The following METTL16 variants were observed in gnomAD, a reference collection of about 807,000 sequenced individuals.
METTL16 encodes the protein RNA N(6)-adenosine-methyltransferase METTL16.
Under a neutral mutation model 57.9 loss-of-function variants are expected in METTL16, and 19 were observed. The observed-to-expected ratio is 0.33, with a 90% CI of 0.23 to 0.48. The LOEUF (loss-of-function observed/expected upper bound fraction) is 0.48, where lower values mean the gene tolerates loss of function less well. Among genes scored for constraint, METTL16 ranks in the 20% least tolerant of loss-of-function variants. The pLI is 0.99. For synonymous variants in METTL16, 246 were observed against 255.6 expected (o/e 0.96, Z 0.36); for missense variants, 434 against 691.5 (o/e 0.63, Z 4.18).
intron 8 of METTL16, among the ~76,000 whole-genome samples, chr17:2,421,309 T>G (rs1322916317): frequency 6.6e-6 from 1 of 152,074 alleles, no homozygotes; most frequent in Non-Finnish European, 1.5e-5. Flanking sequence ...GAGCTCTGAT[T>G]GCGCCACCGC....
At position 2,419,039 on chromosome 17, in the gene METTL16, G is replaced by C. The variant is rs923983585; in HGVS notation, c.*931C>G. 1 of 153,264 alleles carries C rather than the reference G, an allele frequency of 6.5e-6. No individual in the cohort carries two copies. Among genetic ancestry groups the C allele is most frequent in the African/African-American group, 2.4e-5 (1 of 41,448 alleles). The allele number at this position is 153,264 out of a possible 1,614,324, so 9.5% of individuals were successfully genotyped here. On this transcript the variant is annotated 3_prime_UTR_variant, in exon 10 of 10. Coordinates refer to ENST00000263092, the MANE Select transcript of METTL16 (RefSeq NM_024086.4). Reference sequence around the variant, plus strand: ...GTGAAGCCACAAAAAAACAGTATTTGATCAGCAACAAAATATCTGAGACTT... The same window carrying C: ...GTGAAGCCACAAAAAAACAGTATTTCATCAGCAACAAAATATCTGAGACTT...
chr17:2,428,602 T>TATATATATATATAA (rs376112549), intron 8 of METTL16, among the ~76,000 whole-genome samples: 8 of 94,970 alleles, frequency 8.4e-5, no homozygotes, highest in African/African-American at 3.7e-4. Flanking sequence ...TATATATATA[T>TATATATATATATAA]AAATTGTAAT....
chr17:2,440,148 T>C (rs1597444348), intron 7 of METTL16, among the ~76,000 whole-genome samples: 2 of 152,194 alleles, frequency 1.3e-5, no homozygotes, highest in African/African-American at 2.4e-5. Context: ...TCCCAGCTAC[T>C]TGAGAGGCTG....
chr17:2,508,074 T>C (rs868446840), intron 1 of METTL16, among the ~76,000 whole-genome samples: 3 of 151,590 alleles, frequency 2.0e-5, no homozygotes, highest in South Asian at 4.2e-4. Context: ...ACTATTGTCC[T>C]GTGACCCTGC....
intron 6 of METTL16, among the ~76,000 whole-genome samples, chr17:2,445,614 C>T (rs1049623175): frequency 2.6e-5 from 4 of 151,808 alleles, no homozygotes; most frequent in Admixed American, 6.6e-5. Context: ...GGCAAAACCC[C>T]GCCTCTACTG....
intron 3 of METTL16, among the ~76,000 whole-genome samples, chr17:2,476,732 G>T (rs1394881835): frequency 6.6e-6 from 1 of 152,116 alleles, no homozygotes; most frequent in Non-Finnish European, 1.5e-5. Flanking sequence ...GAGGCAGGCG[G>T]ATCACCTGAC....
intron 1 of METTL16, among the ~76,000 whole-genome samples, chr17:2,508,517 C>T (rs1436138594): frequency 6.6e-6 from 1 of 152,126 alleles, no homozygotes; most frequent in Non-Finnish European, 1.5e-5. Flanking sequence ...CATGCTGCCT[C>T]CCCCATTCAC....
intron 2 of METTL16, among the ~76,000 whole-genome samples, chr17:2,501,312 T>C (rs7215026): frequency 0.57 from 87,218 of 151,758 alleles, 28,251 homozygotes; most frequent in Non-Finnish European, 0.74. Flanking sequence ...CACTTGGCTA[T>C]TTTTATCTGG....
chr17:2,480,491 G>A (rs1242224935), intron 2 of METTL16, among the ~76,000 whole-genome samples: 1 of 152,112 alleles, frequency 6.6e-6, no homozygotes, highest in East Asian at 1.9e-4. Context: ...AAGCAATGAC[G>A]CTCCCATCGC....
intron 2 of METTL16, among the ~76,000 whole-genome samples, chr17:2,497,904 T>A (rs562640606): frequency 6.6e-6 from 1 of 151,674 alleles, no homozygotes; most frequent in Non-Finnish European, 1.5e-5. Context: ...TTAAAAAATA[T>A]ACCTCTTAGG....
intron 2 of METTL16, among the ~76,000 whole-genome samples, chr17:2,488,959 C>T (rs1301837014): frequency 1.3e-5 from 2 of 152,030 alleles, no homozygotes; most frequent in African/African-American, 4.8e-5. Context: ...TCTCATGGGT[C>T]AAATAAGCAA....
chr17:2,509,203 C>A (rs1431789629), intron 1 of METTL16, among the ~76,000 whole-genome samples: 4 of 152,154 alleles, frequency 2.6e-5, no homozygotes, highest in African/African-American at 9.7e-5. Flanking sequence ...CTTTACTATA[C>A]CCCCAGCAAC....
At chr17:2,479,473 C>T (rs1461046583) in intron 2 of METTL16, among the ~76,000 whole-genome samples, 1 of 151,700 alleles carries the variant, frequency 6.6e-6, no homozygotes, top group Non-Finnish European at 1.5e-5. Flanking sequence ...ACCTGGCCAA[C>T]AGAGCATTTT....
chr17:2,500,205 A>G (rs1161954109), intron 2 of METTL16, among the ~76,000 whole-genome samples: 2 of 152,168 alleles, frequency 1.3e-5, no homozygotes, highest in Non-Finnish European at 2.9e-5. Flanking sequence ...CTAAAGCTAT[A>G]AGAAGAGGGC....
At chr17:2,493,880 C>G (rs533416969) in intron 2 of METTL16, among the ~76,000 whole-genome samples, 192 of 152,214 alleles carry the variant, frequency 1.3e-3, no homozygotes, top group African/African-American at 4.3e-3. Context: ...TCCTGCGAAC[C>G]ATGCGAGGTT....
At chr17:2,460,184 A>G (rs1402580109) in intron 6 of METTL16, 1 of 151,946 alleles carries the variant, frequency 6.6e-6, no homozygotes, top group African/African-American at 2.4e-5. Flanking sequence ...CCTTTCTTTC[A>G]TCTAAACTCT....
At chr17:2,498,875 C>A (rs941769092) in intron 2 of METTL16, among the ~76,000 whole-genome samples, 2 of 151,552 alleles carry the variant, frequency 1.3e-5, no homozygotes, top group African/African-American at 2.4e-5. Flanking sequence ...CCATCCCCAG[C>A]CCACCTCCTC....
rs1416183060 is a variant in METTL16, at chr17:2,417,347, C to G, written c.*2623G>C. 1 of 152,112 alleles carries G rather than the reference C, an allele frequency of 6.6e-6. No individual in the cohort carries two copies. Among genetic ancestry groups the G allele is most frequent in the Non-Finnish European group, 1.5e-5 (1 of 68,058 alleles). The allele number at this position is 152,112 out of a possible 1,614,324, so 9.4% of individuals were successfully genotyped here. A position where few individuals can be genotyped will look rare whatever the true frequency, so the allele number is the denominator to read the frequency against. On this transcript the variant is annotated 3_prime_UTR_variant, in exon 10 of 10. Transcript: ENST00000263092. ...ACAGTGCTGGGATTACAGGCGTGAGCCACTGCGCCTGGCCACGGTCACGGA... is the reference window on the plus strand; with the variant it reads ...ACAGTGCTGGGATTACAGGCGTGAGGCACTGCGCCTGGCCACGGTCACGGA...
intron 3 of METTL16, among the ~76,000 whole-genome samples, chr17:2,477,032 C>T (rs2067273263): frequency 6.6e-6 from 1 of 151,394 alleles, no homozygotes; most frequent in Non-Finnish European, 1.5e-5. Flanking sequence ...ACACAGACAT[C>T]AAAGTGGTAA....
Sources: gnomAD v4.1 joint callset for allele counts (sites outside exome capture counted in the v4.1 genomes callset) on GRCh38, gnomAD v4.1.1 for gene constraint, MANE v1.5 for transcripts, NCBI Gene and HGNC (gene_info 2026-07-23, HGNC 2026-07-21) for gene names.